FGF14: variants seen among roughly 807,000 people sequenced by gnomAD.
FGF14 encodes the protein fibroblast growth factor 14.
A neutral mutation model predicts 25.5 loss-of-function variants in FGF14; 5 were observed. That is an observed-to-expected ratio of 0.20 (90% CI 0.10 to 0.41). The LOEUF (loss-of-function observed/expected upper bound fraction) is 0.41, where lower values mean the gene tolerates loss of function less well. Ranked by LOEUF, FGF14 falls within the 10% of genes least tolerant of loss-of-function variation. The pLI is 1.00. For missense variants in FGF14, 222 were observed against 320.1 expected (o/e 0.69, Z 2.34); for synonymous variants, 138 against 118.3 (o/e 1.17, Z -1.08).
chr13:101,884,735 C>T (rs2045901249), intron 1 of FGF14, among the ~76,000 whole-genome samples: 1 of 151,920 alleles, frequency 6.6e-6, no homozygotes. Flanking sequence ...GGAATTGCTG[C>T]TTTGAAAAAA....
At chr13:102,295,976 A>T (rs555258860) in intron 1 of FGF14, among the ~76,000 whole-genome samples, 2 of 152,294 alleles carry the variant, frequency 1.3e-5, no homozygotes, top group East Asian at 3.9e-4. Flanking sequence ...AAGAAAAAAA[A>T]CAGAAGAATT....
intron 1 of FGF14, among the ~76,000 whole-genome samples, chr13:102,068,737 G>A (rs2043016449): frequency 1.3e-5 from 2 of 152,174 alleles, no homozygotes; most frequent in Admixed American, 6.5e-5. Flanking sequence ...CCTGCAGCCT[G>A]CCATGCCTGA....
rs370097223 is a variant in FGF14 at position 102,313,256 on chromosome 13, G to T, written c.208+88215C>A. On this transcript the variant is annotated intron_variant, in intron 1 of 4. Coordinates refer to the FGF14 transcript ENST00000376131. ...AATGTCAAACCCAATCCTGAGCCTG[G>T]AAGCACTCACACACAGGGAAAGCAG... Among the ~76,000 whole-genome samples the T allele has an allele frequency of 1.6e-3, 248 of 152,284 alleles. 1 individual carries two copies. The highest frequency in any genetic ancestry group is 5.6e-3 in the African/African-American group (232 of 41,566).
chr13:101,920,945 T>C (rs1340643801), upstream of FGF14, among the ~76,000 whole-genome samples: 4 of 152,174 alleles, frequency 2.6e-5, no homozygotes, highest in Non-Finnish European at 5.9e-5. Context: ...GGAAGGTAAT[T>C]AGTACACTGT....
intron 1 of FGF14, among the ~76,000 whole-genome samples, chr13:102,255,404 T>C (rs7336554): frequency 0.078 from 11,934 of 152,138 alleles, 742 homozygotes; most frequent in African/African-American, 0.17. Flanking sequence ...GCCTTTGCTT[T>C]TTACATGAGA....
intron 1 of FGF14, among the ~76,000 whole-genome samples, chr13:101,923,097 T>C (rs1336220389): frequency 7.2e-5 from 11 of 152,234 alleles, no homozygotes. Context: ...TAGATTATAA[T>C]ACGCATATGA....
rs2034729003 is a variant in FGF14 at position 101,716,537 on chromosome 13, T to G, written c.*6294A>C. On this transcript the variant is annotated 3_prime_UTR_variant, in exon 5 of 5. Transcript: ENST00000376143. ...AGGTTTCTAGAAATAAGGGATCACA[T>G]TTTTAAAACTGGGCAGGGGTTATGC... The G allele has an allele frequency of 6.6e-6, 1 of 152,178 alleles. No homozygotes were observed. The highest frequency in any genetic ancestry group is 2.4e-5 in the African/African-American group (1 of 41,460). The allele number at this position is 152,178 out of a possible 1,614,324, so 9.4% of individuals were successfully genotyped here. A position where few individuals can be genotyped will look rare whatever the true frequency, so the allele number is the denominator to read the frequency against.
At chr13:102,126,407 C>T (rs1029666022) in intron 1 of FGF14, among the ~76,000 whole-genome samples, 2 of 152,136 alleles carry the variant, frequency 1.3e-5, no homozygotes, top group African/African-American at 2.4e-5. Context: ...TGCATCAGAA[C>T]GTCATTTCTC....
In FGF14 at chr13:101,721,176, A is replaced by C. The variant is rs1382980439; in HGVS notation, c.*1655T>G. 2 of 152,170 alleles carry C rather than the reference A, an allele frequency of 1.3e-5. No individual in the cohort carries two copies. Among genetic ancestry groups the C allele is most frequent in the Non-Finnish European group, 2.9e-5 (2 of 68,020 alleles). The allele number at this position is 152,170 out of a possible 1,614,324, so 9.4% of individuals were successfully genotyped here. A position where few individuals can be genotyped will look rare whatever the true frequency, so the allele number is the denominator to read the frequency against. Reference sequence around the variant, plus strand: ...CAATGAACTCTTCTGAGAAGAAAACATTGAATTTTATTAGGTGTACACAGA... The same window carrying C: ...CAATGAACTCTTCTGAGAAGAAAACCTTGAATTTTATTAGGTGTACACAGA... On this transcript the variant is annotated 3_prime_UTR_variant, in exon 5 of 5. Coordinates refer to ENST00000376143, the MANE Select transcript of FGF14 (RefSeq NM_004115.4).
Position 101,841,415 on chromosome 13 carries a change from G to C in FGF14, c.408+27310C>G, listed in dbSNP as rs377098643. On this transcript the variant is annotated intron_variant, in intron 3 of 4. Transcript: ENST00000376143. ...TTCCAGTATCTAAACTGCTTAGCAA[G>C]TCAAAGAAACTTTGAGTTAGCCTAA... Among the ~76,000 whole-genome samples, 11 of 151,992 alleles carry C rather than the reference G, an allele frequency of 7.2e-5. No individual in the cohort carries two copies. The East Asian group carries it at 2.0e-3, about 27-fold the overall frequency.
intron 1 of FGF14, among the ~76,000 whole-genome samples, chr13:102,382,508 C>T (rs1468585573): frequency 1.3e-5 from 2 of 152,018 alleles, no homozygotes; most frequent in Admixed American, 1.3e-4. Context: ...AATTAGAACC[C>T]TCATACATTG....
intron 1 of FGF14, among the ~76,000 whole-genome samples, chr13:102,029,825 A>G (rs192951277): frequency 4.6e-5 from 7 of 152,236 alleles, no homozygotes; most frequent in Non-Finnish European, 8.8e-5. Context: ...AATGGTGGGA[A>G]AAGGCTCTGG....
rs544983397 is a variant in FGF14 at position 102,277,025 on chromosome 13, G to A, written c.208+124446C>T. On this transcript the variant is annotated intron_variant, in intron 1 of 4. Transcript: ENST00000376131. ...AAGATGATGGAAGGATTAATATGTT[G>A]CCTAACTTTCATCATTTTAAATTGT... Among the ~76,000 whole-genome samples, 146 of 152,214 alleles carry A rather than the reference G, an allele frequency of 9.6e-4. 1 individual carries two copies. In the Middle Eastern group the frequency reaches 0.017, roughly 18 times the overall value.
chr13:101,953,558 A>ATGTG (rs369170619), intron 1 of FGF14, among the ~76,000 whole-genome samples: 1 of 148,266 alleles, frequency 6.7e-6, no homozygotes, highest in East Asian at 2.0e-4. Flanking sequence ...GTATATATAT[A>ATGTG]TGTGTGTGTG....
intron 1 of FGF14, among the ~76,000 whole-genome samples, chr13:102,231,827 C>T (rs2051099559): frequency 1.3e-5 from 2 of 152,108 alleles, no homozygotes; most frequent in South Asian, 4.1e-4. Flanking sequence ...GTTTCTCCAC[C>T]TGCAAGATAG....
chr13:102,277,696 G>A (rs1211089002), intron 1 of FGF14, among the ~76,000 whole-genome samples: 1 of 152,188 alleles, frequency 6.6e-6, no homozygotes, highest in Non-Finnish European at 1.5e-5. Context: ...TTGAGAAACA[G>A]GAAGAAAGCC....
intron 1 of FGF14, among the ~76,000 whole-genome samples, chr13:102,003,927 C>T (rs908646091): frequency 8.5e-5 from 13 of 152,048 alleles, no homozygotes; most frequent in East Asian, 5.8e-4. Context: ...GAAGAAATCC[C>T]GGCTTTTCAA....
intron 1 of FGF14, among the ~76,000 whole-genome samples, chr13:102,050,370 T>C (rs7330791): frequency 0.044 from 6,681 of 152,186 alleles, 457 homozygotes; most frequent in African/African-American, 0.15. Context: ...AGTCACACTT[T>C]ATGGTCATCA....
chr13:101,842,689 G>A (rs918261234), intron 3 of FGF14, among the ~76,000 whole-genome samples: 3 of 152,010 alleles, frequency 2.0e-5, no homozygotes, highest in African/African-American at 7.2e-5. Flanking sequence ...CAGACGTGAG[G>A]CCAGCAGATC....
Sources: gnomAD v4.1 joint callset for allele counts (sites outside exome capture counted in the v4.1 genomes callset) on GRCh38, gnomAD v4.1.1 for gene constraint, MANE v1.5 for transcripts, NCBI Gene and HGNC (gene_info 2026-07-23, HGNC 2026-07-21) for gene names.